The following DCTN5 variants were observed in gnomAD, a reference collection of about 807,000 sequenced individuals.
DCTN5 encodes dynactin subunit 5, also known as dynactin 4.
A neutral mutation model predicts 23.5 loss-of-function variants in DCTN5; 14 were observed. The ratio of observed to expected loss-of-function variants is 0.60; its 90% CI spans 0.39 to 0.93. The LOEUF (loss-of-function observed/expected upper bound fraction) is 0.93, where lower values mean the gene tolerates loss of function less well. Ranked by LOEUF, DCTN5 falls within the 40% of genes least tolerant of loss-of-function variation. The pLI, the probability that DCTN5 is intolerant of heterozygous loss-of-function variation, is 0.00. For missense variants in DCTN5, 156 were observed against 225.9 expected (o/e 0.69, Z 1.98); for synonymous variants, 67 against 79.6 (o/e 0.84, Z 0.84).
chr16:23,667,087 G>A lies in DCTN5; in HGVS notation c.492G>A (p.Leu164=). 1 of 1,613,548 alleles carries A rather than the reference G, an allele frequency of 6.2e-7. No homozygotes were observed. Among genetic ancestry groups the A allele is most frequent in the Non-Finnish European group, 8.5e-7 (1 of 1,180,032 alleles). Residue 164 remains leucine, a synonymous_variant, in exon 6 of 6, where the codon CTG becomes CTA. Coordinates refer to ENST00000300087, the MANE Select transcript of DCTN5 (RefSeq NM_032486.4). ...SGELPECTQE[L]MIDVTKSYYQ... is the part of the protein sequence containing the mutation. ...AGCTCCCGGAGTGCACTCAGGAGCT[G>A]ATGATTGACGTCACCAAGAGCTACT... is the stretch of plus-strand genomic sequence containing the variant.
chr16:23,642,793 T>A (rs571687922), intron 1 of DCTN5, 162 bp from the exon 2 acceptor site: 19 of 623,868 alleles, frequency 3.0e-5, no homozygotes, highest in Admixed American at 5.3e-5. Context: ...AGCCATAGTT[T>A]CCTAATCCAT....
chr16:23,656,024 G>C (rs1349039888), intron 2 of DCTN5, among the ~76,000 whole-genome samples: 1 of 152,120 alleles, frequency 6.6e-6, no homozygotes, highest in Non-Finnish European at 1.5e-5. Context: ...AGGCATTTGT[G>C]ACCAGCCTGG....
At chr16:23,655,589 G>A (rs902543154) in intron 2 of DCTN5, among the ~76,000 whole-genome samples, 1 of 151,412 alleles carries the variant, frequency 6.6e-6, no homozygotes, top group African/African-American at 2.4e-5. Context: ...TGTCACCCAG[G>A]TGGGAGTGCA....
intron 2 of DCTN5, among the ~76,000 whole-genome samples, chr16:23,648,348 T>C (rs1280435771): frequency 2.8e-5 from 4 of 144,278 alleles, no homozygotes; most frequent in South Asian, 4.5e-4. Context: ...TTTTTTCTTT[T>C]TTTTTTTTTT....
chr16:23,666,617 A>G (rs1967911322), intron 5 of DCTN5: 1 of 202,080 alleles, frequency 4.9e-6, no homozygotes, highest in Non-Finnish European at 1.0e-5. Flanking sequence ...CACGTCATAA[A>G]TTCACAGATG....
Position 23,661,149 on chromosome 16 carries a change from C to T in DCTN5, c.237-21C>T. 6 of 1,552,004 alleles carry T rather than the reference C, an allele frequency of 3.9e-6. No individual in the cohort carries two copies. The South Asian group carries it at 5.6e-5, about 15-fold the overall frequency. On this transcript the variant is annotated intron_variant, in intron 3 of 5. Coordinates refer to ENST00000300087, the MANE Select transcript of DCTN5 (RefSeq NM_032486.4). ...TACATCATCTTGACCTTTCTGTGTT[C>T]ATCTTCTTTTCCTCTTCTAGTGTTG... is the stretch of plus-strand genomic sequence containing the variant.
At chr16:23,666,919 G>C in intron 5 of DCTN5, 128 bp from the exon 6 acceptor site, 1 of 1,454,950 alleles carries the variant, frequency 6.9e-7, no homozygotes. Flanking sequence ...GACCAGAACA[G>C]CCTCAGCGAT....
At chr16:23,664,977 A>C (rs956421901) in intron 4 of DCTN5, among the ~76,000 whole-genome samples, 2 of 152,218 alleles carry the variant, frequency 1.3e-5, no homozygotes, top group African/African-American at 2.4e-5. Flanking sequence ...CCATGTTGTA[A>C]GAATTAGTCT....
At position 23,677,121 on chromosome 16, in the gene DCTN5, C is replaced by A. The variant is rs1257937763; in HGVS notation, c.*9977C>A. The A allele has an allele frequency of 1.3e-5, 2 of 152,270 alleles. No homozygotes were observed. Among genetic ancestry groups the A allele is most frequent in the African/African-American group, 4.8e-5 (2 of 41,464 alleles). 9.4% of individuals were successfully genotyped at this position (152,270 alleles called of 1,614,324 possible). ...CTGGGAGAGGACTGTGGGAGGCTTACACCTGGTTTCCCTGGACTTTGTCCA... is the reference window on the plus strand; with the variant it reads ...CTGGGAGAGGACTGTGGGAGGCTTAAACCTGGTTTCCCTGGACTTTGTCCA... On this transcript the variant is annotated 3_prime_UTR_variant, in exon 6 of 6. Transcript: ENST00000300087.
chr16:23,641,689 C>T (rs892056923), intron 1 of DCTN5, 99 bp downstream of exon 1: 34 of 1,270,646 alleles, frequency 2.7e-5, no homozygotes, highest in Non-Finnish European at 3.7e-5. Context: ...CAACCCCTGT[C>T]CCTTTGGCCA....
chr16:23,647,495 C>CTT (rs111226428), intron 2 of DCTN5, among the ~76,000 whole-genome samples: 32 of 140,456 alleles, frequency 2.3e-4, no homozygotes, highest in African/African-American at 6.5e-4. Context: ...GGGCTGTTTG[C>CTT]TTTTTTTTTT....
At chr16:23,648,674 G>A (rs966782892) in intron 2 of DCTN5, among the ~76,000 whole-genome samples, 9 of 151,664 alleles carry the variant, frequency 5.9e-5, no homozygotes, top group African/African-American at 1.9e-4. Context: ...TTTAAGGAAC[G>A]TTCATACTGT....
rs369440307 is a variant in DCTN5, at chr16:23,650,208, T to G, written c.117+7185T>G. Reference sequence around the variant, plus strand: ...CAGAGTCTCTGCGAATTTTAGGATCTTTTTTCTATTTTTGTGAAGAATCTC... The same window carrying G: ...CAGAGTCTCTGCGAATTTTAGGATCGTTTTTCTATTTTTGTGAAGAATCTC... On this transcript the variant is annotated intron_variant, in intron 2 of 5. Coordinates refer to ENST00000300087, the MANE Select transcript of DCTN5 (RefSeq NM_032486.4). Among the ~76,000 whole-genome samples the G allele has an allele frequency of 3.9e-5, 6 of 152,222 alleles. No individual in the cohort carries two copies. In the South Asian group the frequency reaches 1.2e-3, roughly 31 times the overall value.
At position 23,675,551 on chromosome 16, in the gene DCTN5, A is replaced by G. The variant is rs974446139; in HGVS notation, c.*8407A>G. On this transcript the variant is annotated 3_prime_UTR_variant, in exon 6 of 6. Coordinates refer to ENST00000300087, the MANE Select transcript of DCTN5 (RefSeq NM_032486.4). Reference sequence around the variant, plus strand: ...ACAAAAATGCTTTTGTGCCTCTTACATACAACCCTTCCAGAGGAAAGGCCT... The same window carrying G: ...ACAAAAATGCTTTTGTGCCTCTTACGTACAACCCTTCCAGAGGAAAGGCCT... The G allele has an allele frequency of 2.0e-5, 3 of 152,170 alleles. No individual in the cohort carries two copies. Among genetic ancestry groups the G allele is most frequent in the Non-Finnish European group, 4.4e-5 (3 of 68,052 alleles). 9.4% of individuals were successfully genotyped at this position (152,170 alleles called of 1,614,324 possible). A position where few individuals can be genotyped will look rare whatever the true frequency, so the allele number is the denominator to read the frequency against.
chr16:23,654,482 G>A (rs1686737166), intron 2 of DCTN5, among the ~76,000 whole-genome samples: 1 of 152,120 alleles, frequency 6.6e-6, no homozygotes, highest in Admixed American at 6.6e-5. Context: ...GTGCAGGAGG[G>A]AAAGGATCGG....
chr16:23,642,016 C>T (rs1163465625), intron 1 of DCTN5, among the ~76,000 whole-genome samples: 1 of 152,176 alleles, frequency 6.6e-6, no homozygotes, highest in African/African-American at 2.4e-5. Flanking sequence ...ACTGCAACCT[C>T]CGCCTCCCGG....
At position 23,673,859 on chromosome 16, in the gene DCTN5, T is replaced by G. The variant is rs1312247952; in HGVS notation, c.*6715T>G. 2 of 152,120 alleles carry G rather than the reference T, an allele frequency of 1.3e-5. No individual in the cohort carries two copies. Among genetic ancestry groups the G allele is most frequent in the African/African-American group, 4.8e-5 (2 of 41,412 alleles). The allele number at this position is 152,120 out of a possible 1,614,324, so 9.4% of individuals were successfully genotyped here. Reference sequence around the variant, plus strand: ...AAGCAATCTGTTTGGAAAATGAAAATACAGTTAAATTGCTAATGAACCCTT... The same window carrying G: ...AAGCAATCTGTTTGGAAAATGAAAAGACAGTTAAATTGCTAATGAACCCTT... On this transcript the variant is annotated 3_prime_UTR_variant, in exon 6 of 6. Coordinates refer to ENST00000300087, the MANE Select transcript of DCTN5 (RefSeq NM_032486.4).
At chr16:23,648,133 CTTTA>C (rs939447078) in intron 2 of DCTN5, among the ~76,000 whole-genome samples, 7 of 151,576 alleles carry the variant, frequency 4.6e-5, no homozygotes, top group African/African-American at 1.7e-4. Flanking sequence ...TTTTAAAAAT[CTTTA>C]TTTATTTGTT....
At position 23,674,000 on chromosome 16, in the gene DCTN5, T is replaced by A. The variant is rs1014577800; in HGVS notation, c.*6856T>A. 2.0e-5 allele frequency: 3 copies of A among 152,232 alleles called. No individual in the cohort carries two copies. Among genetic ancestry groups the A allele is most frequent in the Non-Finnish European group, 4.4e-5 (3 of 68,046 alleles). The allele number at this position is 152,232 out of a possible 1,614,324, so 9.4% of individuals were successfully genotyped here. On this transcript the variant is annotated 3_prime_UTR_variant, in exon 6 of 6. Transcript: ENST00000300087. ...CAAGATAAAAAGGCAGCCTTGCATG[T>A]CACTTGGACCACAGCTGTCTGGCCA...
Sources: gnomAD v4.1 joint callset for allele counts (sites outside exome capture counted in the v4.1 genomes callset) on GRCh38, gnomAD v4.1.1 for gene constraint, MANE v1.5 for transcripts, NCBI Gene and HGNC (gene_info 2026-07-23, HGNC 2026-07-21) for gene names.